The following GALNT16 variants were observed in gnomAD, a reference collection of about 807,000 sequenced individuals.
GALNT16 encodes polypeptide N-acetylgalactosaminyltransferase 16, also known as UDP-GalNAc:polypeptide N-acetylgalactosaminyltransferase-like protein 1.
A neutral mutation model predicts 76.1 loss-of-function variants in GALNT16; 40 were observed. The observed-to-expected ratio is 0.53, with a 90% CI of 0.41 to 0.68. The LOEUF (loss-of-function observed/expected upper bound fraction) is 0.68. Ranked by LOEUF, GALNT16 falls within the 30% of genes least tolerant of loss-of-function variation. The pLI, the probability that GALNT16 is intolerant of heterozygous loss-of-function variation, is 0.00. For synonymous variants in GALNT16, 276 were observed against 285.2 expected, an observed-to-expected ratio of 0.97 and a Z score of 0.32; for missense variants, 621 against 731.9, an observed-to-expected ratio of 0.85 and a Z score of 1.75.
At chr14:69,362,883 G>A in the GALNT16 span, among the ~76,000 whole-genome samples, 2 of 152,236 alleles carry the variant, frequency 1.3e-5, no homozygotes, top group Non-Finnish European at 2.9e-5. Flanking sequence ...CCAGAGAGAG[G>A]AGGCTGGGGA....
rs1189633898 is a variant in GALNT16, at chr14:69,352,850, C to T, written c.*682C>T. On this transcript the variant is annotated 3_prime_UTR_variant, in exon 15 of 15. Coordinates refer to ENST00000448469, the MANE Select transcript of GALNT16 (RefSeq NM_001168368.2). ...AGGTCTCTTACCCAGGACACAGTCCCTTCCACACTTTACCAGCCCCAGGGT... is the reference window on the plus strand; with the variant it reads ...AGGTCTCTTACCCAGGACACAGTCCTTTCCACACTTTACCAGCCCCAGGGT... Among the ~76,000 whole-genome samples, 6 of 152,208 alleles carry T rather than the reference C, an allele frequency of 3.9e-5. No homozygotes were observed. Among genetic ancestry groups the T allele is most frequent in the Non-Finnish European group, 8.8e-5 (6 of 68,038 alleles).
At position 69,270,897 on chromosome 14, in the gene GALNT16, C is replaced by T. The variant is rs188991176; in HGVS notation, c.177+10430C>T. Among the ~76,000 whole-genome samples, 4 of 152,156 alleles carry T rather than the reference C, an allele frequency of 2.6e-5. No homozygotes were observed. The East Asian group carries it at 7.8e-4, about 29-fold the overall frequency. Reference sequence around the variant, plus strand: ...CTGGGGATCTGGTGGTTTGAAGGGGCGAAGCAGTTAGGACTGAGCACAGCC... The same window carrying T: ...CTGGGGATCTGGTGGTTTGAAGGGGTGAAGCAGTTAGGACTGAGCACAGCC... On this transcript the variant is annotated intron_variant, in intron 1 of 14. Coordinates refer to ENST00000448469, the MANE Select transcript of GALNT16 (RefSeq NM_001168368.2).
chr14:69,260,406 G>A lies in GALNT16; in HGVS notation c.116G>A (p.Gly39Asp), dbSNP rs1192651172. The A allele has an allele frequency of 6.2e-7, 1 of 1,603,094 alleles. No homozygotes were observed. The highest frequency in any genetic ancestry group is 8.5e-7 in the Non-Finnish European group (1 of 1,174,580). Residue 39 changes from glycine to aspartate, a missense_variant, in exon 1 of 15, where the codon GGC becomes GAC. Transcript: ENST00000448469. ...RAHAASSGGR[G>D]AQRAGRRSEQ... ...CACGCAGCATCCTCCGGCGGCCGGG[G>A]CGCGCAGAGGGCAGGCAGGAGGTCG...
intron 1 of GALNT16, among the ~76,000 whole-genome samples, chr14:69,279,915 C>A (rs2044518247): frequency 6.6e-6 from 1 of 152,354 alleles, no homozygotes; most frequent in South Asian, 2.1e-4. Flanking sequence ...TGTTCCCAAG[C>A]CACACAGACT....
chr14:69,301,142 A>G (rs935992212), intron 1 of GALNT16, among the ~76,000 whole-genome samples: 5 of 152,090 alleles, frequency 3.3e-5, no homozygotes, highest in Non-Finnish European at 7.3e-5. Context: ...TGCACCAGGG[A>G]TTCTGAATCT....
chr14:69,286,657 T>C (rs929539209), intron 1 of GALNT16, among the ~76,000 whole-genome samples: 1 of 152,168 alleles, frequency 6.6e-6, no homozygotes, highest in Admixed American at 6.5e-5. Context: ...CTTAATAATA[T>C]GCATGTGAAG....
chr14:69,377,835 A>AAAAT, the GALNT16 span, among the ~76,000 whole-genome samples: 3 of 125,148 alleles, frequency 2.4e-5, no homozygotes, highest in African/African-American at 6.4e-5. Flanking sequence ...AAAAAAAAAA[A>AAAAT]GAACATGAAC....
rs114252258 is a variant in GALNT16 at position 69,281,993 on chromosome 14, A to T, written c.177+21526A>T. ...AGCACTTCAAAGACTAAGTGTTAGG[A>T]TTATGAATTTTCATACGTTACATCA... On this transcript the variant is annotated intron_variant, in intron 1 of 14. Coordinates refer to ENST00000448469, the MANE Select transcript of GALNT16 (RefSeq NM_001168368.2). Among the ~76,000 whole-genome samples, 679 of 152,344 alleles carry T rather than the reference A, an allele frequency of 4.5e-3. 5 individuals carry two copies. Among genetic ancestry groups the T allele is most frequent in the African/African-American group, 0.015 (624 of 41,580 alleles).
intron 1 of GALNT16, among the ~76,000 whole-genome samples, chr14:69,263,484 T>C (rs183187304): frequency 1.1e-4 from 16 of 152,222 alleles, no homozygotes; most frequent in Admixed American, 6.5e-4. Flanking sequence ...TCTTAGAGAA[T>C]GATGTGGCTA....
intron 1 of GALNT16, among the ~76,000 whole-genome samples, chr14:69,286,603 C>G (rs991759264): frequency 6.6e-6 from 1 of 152,168 alleles, no homozygotes; most frequent in African/African-American, 2.4e-5. Flanking sequence ...TGCGCCCGGC[C>G]AAAGGCACTC....
At chr14:69,351,900 G>A (rs1345915159) in intron 14 of GALNT16, 131 bp from the exon 15 acceptor site, 1 of 831,056 alleles carries the variant, frequency 1.2e-6, no homozygotes, top group African/African-American at 1.7e-5. Flanking sequence ...TGCCTAAAAA[G>A]AAAGGAGGAG....
chr14:69,297,218 G>T (rs1049101571), intron 1 of GALNT16, among the ~76,000 whole-genome samples: 2 of 152,162 alleles, frequency 1.3e-5, no homozygotes, highest in African/African-American at 4.8e-5. Context: ...TTACTGATTT[G>T]CCCTCTTTGG....
At chr14:69,266,646 C>T (rs2044345622) in intron 1 of GALNT16, among the ~76,000 whole-genome samples, 1 of 152,168 alleles carries the variant, frequency 6.6e-6, no homozygotes, top group Non-Finnish European at 1.5e-5. Flanking sequence ...GGGAGCAGTC[C>T]AAAGGCTGGC....
intron 1 of GALNT16, among the ~76,000 whole-genome samples, chr14:69,269,467 ATG>A (rs893560552): frequency 1.4e-5 from 2 of 140,716 alleles, no homozygotes; most frequent in Non-Finnish European, 3.1e-5. Flanking sequence ...GGGTTTGTGT[ATG>A]TGTGTGTAGT....
intron 1 of GALNT16, among the ~76,000 whole-genome samples, chr14:69,297,631 C>CA (rs11433868): frequency 0.59 from 84,765 of 144,314 alleles, 25,078 homozygotes; most frequent in East Asian, 0.96. Context: ...TTGGAAAAGC[C>CA]AAAAAAAAAA....
chr14:69,344,272 A>C (rs1004277241), intron 12 of GALNT16, among the ~76,000 whole-genome samples: 1 of 152,276 alleles, frequency 6.6e-6, no homozygotes. Context: ...TATCAAGAAC[A>C]GTTGTTCAGG....
downstream of GALNT16, chr14:69,359,458 C>T (rs1442420981): frequency 6.6e-6 from 1 of 152,112 alleles, no homozygotes; most frequent in Non-Finnish European, 1.5e-5. Context: ...ACAACTCCAC[C>T]CTCCCTATTC....
intron 5 of GALNT16, 32 bp downstream of exon 5, chr14:69,326,059 G>T (rs536327888): frequency 1.2e-4 from 181 of 1,545,756 alleles, no homozygotes; most frequent in Non-Finnish European, 1.3e-4. Context: ...CCCACCAAGG[G>T]CCCATCTTGG....
At position 69,260,404 on chromosome 14, in the gene GALNT16, G is replaced by C; in HGVS notation, c.114G>C (p.Arg38=). The change falls in exon 1 of 15, where the codon CGG becomes CGC. Residue 38 remains arginine (R), a synonymous_variant. Coordinates refer to ENST00000448469, the MANE Select transcript of GALNT16 (RefSeq NM_001168368.2). ...CCCACGCAGCATCCTCCGGCGGCCG[G>C]GGCGCGCAGAGGGCAGGCAGGAGGT... ...NRAHAASSGG[R]GAQRAGRRSE... is the part of the protein sequence containing the mutation. The C allele has an allele frequency of 6.2e-7, 1 of 1,604,040 alleles. No individual in the cohort carries two copies. The highest frequency in any genetic ancestry group is 8.5e-7 in the Non-Finnish European group (1 of 1,175,056).
Sources: allele counts gnomAD v4.1 joint callset (sites outside exome capture counted in the v4.1 genomes callset), GRCh38; gene constraint gnomAD v4.1.1; transcripts MANE v1.5; gene names NCBI Gene and HGNC (gene_info 2026-07-23, HGNC 2026-07-21).